The following NKAIN2 variants were observed in gnomAD, a reference collection of about 807,000 sequenced individuals.
The protein encoded by NKAIN2 is sodium/potassium-transporting ATPase subunit beta-1-interacting protein 2.
In NKAIN2, 14 loss-of-function variants were observed where a neutral mutation model predicts 32.6. The ratio of observed to expected loss-of-function variants is 0.43; its 90% CI spans 0.28 to 0.67. The LOEUF (loss-of-function observed/expected upper bound fraction) is 0.67. Ranked by LOEUF, NKAIN2 falls within the 30% of genes least tolerant of loss-of-function variation. NKAIN2 has a pLI of 0.17. For synonymous variants in NKAIN2, 80 were observed against 87.2 expected (o/e 0.92, Z 0.46); for missense variants, 198 against 258.3 (o/e 0.77, Z 1.60).
chr6:124,155,598 CTT>C (rs1196817378), intron 1 of NKAIN2, among the ~76,000 whole-genome samples: 9 of 141,836 alleles, frequency 6.3e-5, no homozygotes, highest in African/African-American at 5.2e-5. Flanking sequence ...TATATGCTAT[CTT>C]TTTTTTTTTT....
At chr6:124,069,573 G>A (rs1449483037) in intron 1 of NKAIN2, among the ~76,000 whole-genome samples, 1 of 152,148 alleles carries the variant, frequency 6.6e-6, no homozygotes, top group Non-Finnish European at 1.5e-5. Flanking sequence ...ACAGGCTGGA[G>A]CACAGAAGCA....
intron 1 of NKAIN2, among the ~76,000 whole-genome samples, chr6:124,146,692 C>T (rs1267114883): frequency 1.3e-5 from 2 of 152,152 alleles, no homozygotes; most frequent in African/African-American, 4.8e-5. Context: ...TGAATAAACA[C>T]ACTCATATCT....
At chr6:124,328,172 A>G (rs142498118) in intron 2 of NKAIN2, among the ~76,000 whole-genome samples, 9 of 152,328 alleles carry the variant, frequency 5.9e-5, no homozygotes, top group Non-Finnish European at 1.3e-4. Context: ...TGGATGTACT[A>G]TACTGCAGGT....
At chr6:124,087,984 A>G (rs1470654037) in intron 1 of NKAIN2, among the ~76,000 whole-genome samples, 1 of 152,026 alleles carries the variant, frequency 6.6e-6, no homozygotes, top group African/African-American at 2.4e-5. Flanking sequence ...CAACTATTAG[A>G]GAGTGTTAAT....
At chr6:124,172,394 A>G (rs1218102693) in intron 1 of NKAIN2, among the ~76,000 whole-genome samples, 6 of 152,154 alleles carry the variant, frequency 3.9e-5, no homozygotes, top group Non-Finnish European at 7.4e-5. Flanking sequence ...TTCTAATTCT[A>G]ACTACTGCTG....
At chr6:124,490,058 G>A (rs914473196) in intron 3 of NKAIN2, among the ~76,000 whole-genome samples, 1 of 151,802 alleles carries the variant, frequency 6.6e-6, no homozygotes, top group African/African-American at 2.4e-5. Context: ...ACTTTTATCA[G>A]TTAATATTAA....
intron 1 of NKAIN2, among the ~76,000 whole-genome samples, chr6:124,226,703 G>A (rs1792130397): frequency 6.6e-6 from 1 of 152,124 alleles, no homozygotes; most frequent in South Asian, 2.1e-4. Context: ...TAGACTTTGG[G>A]AAGGCAAAGA....
chr6:124,166,334 C>G (rs1273833978), intron 1 of NKAIN2, among the ~76,000 whole-genome samples: 8 of 152,118 alleles, frequency 5.3e-5, no homozygotes, highest in Non-Finnish European at 1.2e-4. Flanking sequence ...AGTGTCTGTT[C>G]ATTTCCTTCG....
intron 3 of NKAIN2, among the ~76,000 whole-genome samples, chr6:124,457,571 A>G (rs1238565450): frequency 3.3e-5 from 5 of 151,992 alleles, no homozygotes; most frequent in South Asian, 2.1e-4. Context: ...GAGTTAGATC[A>G]TCTCTAAGTC....
intron 1 of NKAIN2, among the ~76,000 whole-genome samples, chr6:123,935,723 T>C (rs1776472098): frequency 6.6e-6 from 1 of 152,122 alleles, no homozygotes; most frequent in Admixed American, 6.6e-5. Context: ...GGTCTTTAAG[T>C]TCTAACAGAG....
chr6:124,374,686 G>T (rs772211232), intron 3 of NKAIN2, among the ~76,000 whole-genome samples: 3 of 152,034 alleles, frequency 2.0e-5, no homozygotes, highest in Non-Finnish European at 4.4e-5. Context: ...AGAGTGTCCT[G>T]TCCTACACAT....
chr6:124,079,638 T>G (rs1192981951), intron 1 of NKAIN2, among the ~76,000 whole-genome samples: 1 of 152,160 alleles, frequency 6.6e-6, no homozygotes, highest in African/African-American at 2.4e-5. Context: ...AAGCAAGATA[T>G]GCTTTACCGA....
chr6:124,098,408 A>G (rs1784734925), intron 1 of NKAIN2, among the ~76,000 whole-genome samples: 2 of 152,178 alleles, frequency 1.3e-5, no homozygotes, highest in Admixed American at 1.3e-4. Flanking sequence ...TGTGACTTCT[A>G]TTAGGGCATA....
At chr6:124,444,424 C>A (rs944903196) in intron 3 of NKAIN2, among the ~76,000 whole-genome samples, 43 of 151,944 alleles carry the variant, frequency 2.8e-4, no homozygotes, top group African/African-American at 9.7e-4. Flanking sequence ...TAGCTCAAAA[C>A]CATTTTAAAT....
chr6:124,706,167 T>C (rs866503829), intron 4 of NKAIN2, among the ~76,000 whole-genome samples: 1 of 152,160 alleles, frequency 6.6e-6, no homozygotes, highest in Non-Finnish European at 1.5e-5. Context: ...CTTGTTTTAA[T>C]TGAATTGAAT....
chr6:124,062,739 A>G (rs960606447), intron 1 of NKAIN2, among the ~76,000 whole-genome samples: 1 of 152,248 alleles, frequency 6.6e-6, no homozygotes, highest in South Asian at 2.1e-4. Flanking sequence ...AATCCTCTCT[A>G]TGACTTTTGA....
chr6:124,741,948 C>T (rs967597539), intron 4 of NKAIN2, among the ~76,000 whole-genome samples: 1 of 151,838 alleles, frequency 6.6e-6, no homozygotes, highest in Admixed American at 6.6e-5. Flanking sequence ...GAAATTCATT[C>T]TCCCATATTA....
chr6:124,683,830 A>G (rs1359320491), intron 4 of NKAIN2, among the ~76,000 whole-genome samples: 1 of 152,198 alleles, frequency 6.6e-6, no homozygotes, highest in Non-Finnish European at 1.5e-5. Flanking sequence ...GGGACTTGGC[A>G]GTAATGGCGA....
chr6:124,588,330 T>G (rs1056697998), intron 3 of NKAIN2, among the ~76,000 whole-genome samples: 3 of 152,208 alleles, frequency 2.0e-5, no homozygotes, highest in Non-Finnish European at 4.4e-5. Context: ...TTTACTAAAA[T>G]TCTCATAATT....
Sources: allele counts gnomAD v4.1 joint callset (sites outside exome capture counted in the v4.1 genomes callset), GRCh38; gene constraint gnomAD v4.1.1; transcripts MANE v1.5; gene names NCBI Gene and HGNC (gene_info 2026-07-23, HGNC 2026-07-21).